The following KIFAP3 variants were observed in gnomAD, a reference collection of about 807,000 sequenced individuals.
The protein encoded by KIFAP3 is kinesin-associated protein 3.
Under a neutral mutation model 106.5 loss-of-function variants are expected in KIFAP3, and 68 were observed. The ratio of observed to expected loss-of-function variants is 0.64; its 90% CI spans 0.53 to 0.78. KIFAP3 has a LOEUF of 0.78. Ranked by LOEUF, KIFAP3 falls within the 30% of genes least tolerant of loss-of-function variation. The probability of loss-of-function intolerance (pLI) is 0.00; values close to 1 mark genes in which losing one functional copy is unlikely to be tolerated. For synonymous variants in KIFAP3, 320 were observed against 311.5 expected (o/e 1.03, Z -0.29); for missense variants, 780 against 941.8 (o/e 0.83, Z 2.25).
chr1:169,925,442 G>T (rs975988416), intron 19 of KIFAP3, among the ~76,000 whole-genome samples: 20 of 151,642 alleles, frequency 1.3e-4, no homozygotes, highest in African/African-American at 4.4e-4. Flanking sequence ...CTTTAAAAGA[G>T]AAAAATTATA....
intron 1 of KIFAP3, among the ~76,000 whole-genome samples, chr1:170,062,954 A>G (rs1233728574): frequency 6.6e-6 from 1 of 152,102 alleles, no homozygotes; most frequent in African/African-American, 2.4e-5. Flanking sequence ...TGCAAAAATT[A>G]TAACAGTGAG....
intron 16 of KIFAP3, among the ~76,000 whole-genome samples, chr1:169,977,110 G>A (rs932444747): frequency 1.3e-5 from 2 of 152,116 alleles, no homozygotes; most frequent in African/African-American, 4.8e-5. Flanking sequence ...TGAGGTCAAG[G>A]ACTTTCTTAT....
chr1:169,956,061 A>G (rs1664997964), intron 18 of KIFAP3, among the ~76,000 whole-genome samples: 1 of 152,274 alleles, frequency 6.6e-6, no homozygotes, highest in African/African-American at 2.4e-5. Context: ...TAACAAAACT[A>G]ACAAAAATCA....
chr1:169,965,958 T>G (rs953472593), intron 17 of KIFAP3, among the ~76,000 whole-genome samples: 1 of 151,894 alleles, frequency 6.6e-6, no homozygotes, highest in Admixed American at 6.6e-5. Flanking sequence ...CCTTACACAT[T>G]CCTTTAAAAT....
At chr1:169,986,247 A>G (rs1336865333) in intron 11 of KIFAP3, among the ~76,000 whole-genome samples, 2 of 151,942 alleles carry the variant, frequency 1.3e-5, no homozygotes, top group African/African-American at 4.8e-5. Context: ...AATATACAAA[A>G]ATCAATCACA....
chr1:169,954,779 T>C (rs1664920572), intron 18 of KIFAP3, among the ~76,000 whole-genome samples: 1 of 152,198 alleles, frequency 6.6e-6, no homozygotes, highest in East Asian at 1.9e-4. Flanking sequence ...GTACAGTCCC[T>C]AGCGTTGTGA....
intron 19 of KIFAP3, among the ~76,000 whole-genome samples, chr1:169,935,466 G>A (rs1354263799): frequency 1.3e-5 from 2 of 151,906 alleles, no homozygotes; most frequent in Non-Finnish European, 2.9e-5. Flanking sequence ...AAAGCAGGGT[G>A]TATCAACTTT....
At chr1:169,978,363 AT>A (rs1238064763) in intron 15 of KIFAP3, among the ~76,000 whole-genome samples, 180 bp from the exon 16 acceptor site, 2 of 151,998 alleles carry the variant, frequency 1.3e-5, no homozygotes, top group Non-Finnish European at 2.9e-5. Flanking sequence ...CACTTGTTTT[AT>A]TCATCATAAG....
chr1:169,949,456 T>A (rs916187101), intron 19 of KIFAP3, among the ~76,000 whole-genome samples: 1 of 152,082 alleles, frequency 6.6e-6, no homozygotes, highest in East Asian at 1.9e-4. Flanking sequence ...TTTTCCAGTT[T>A]ATGAAAATTG....
At chr1:170,023,287 TAA>T (rs768362356) in intron 9 of KIFAP3, among the ~76,000 whole-genome samples, 54 of 152,016 alleles carry the variant, frequency 3.6e-4, no homozygotes, top group Non-Finnish European at 6.3e-4. Flanking sequence ...ATCTGATAAA[TAA>T]GTCTCAGGTT....
At chr1:170,048,706 C>T (rs996213611) in intron 2 of KIFAP3, among the ~76,000 whole-genome samples, 1 of 151,390 alleles carries the variant, frequency 6.6e-6, no homozygotes, top group African/African-American at 2.4e-5. Context: ...AGCGGGGTGG[C>T]GGGGGCGTCG....
At chr1:170,029,051 A>G (rs1038923260) in intron 8 of KIFAP3, among the ~76,000 whole-genome samples, 2 of 152,146 alleles carry the variant, frequency 1.3e-5, no homozygotes, top group African/African-American at 4.8e-5. Context: ...GGATAGACAA[A>G]TATATCCCAT....
intron 10 of KIFAP3, among the ~76,000 whole-genome samples, chr1:169,997,851 CTGAG>C (rs1667440043): frequency 8.1e-6 from 1 of 123,612 alleles, no homozygotes; most frequent in Non-Finnish European, 1.6e-5. Flanking sequence ...GCCTGGGCAG[CTGAG>C]TGAGACGTCT....
intron 1 of KIFAP3, among the ~76,000 whole-genome samples, chr1:170,058,812 T>C (rs1325672648): frequency 6.6e-6 from 1 of 152,072 alleles, no homozygotes; most frequent in South Asian, 2.1e-4. Flanking sequence ...CCAAATCTAA[T>C]CTTTCCTTGC....
intron 19 of KIFAP3, among the ~76,000 whole-genome samples, chr1:169,940,483 A>C (rs1006122561): frequency 6.6e-6 from 1 of 152,120 alleles, no homozygotes; most frequent in Non-Finnish European, 1.5e-5. Context: ...ATGGGGGAGG[A>C]GAGACGATTT....
At chr1:170,051,140 A>G (rs939578496) in intron 2 of KIFAP3, among the ~76,000 whole-genome samples, 13 of 152,002 alleles carry the variant, frequency 8.6e-5, no homozygotes, top group African/African-American at 3.1e-4. Flanking sequence ...GGAATGGAGG[A>G]ATATTTACCA....
chr1:170,062,808 G>A (rs924842446), intron 1 of KIFAP3, among the ~76,000 whole-genome samples: 1 of 151,852 alleles, frequency 6.6e-6, no homozygotes, highest in Non-Finnish European at 1.5e-5. Context: ...CATGTGAAAA[G>A]CACTCTATCC....
intron 1 of KIFAP3, among the ~76,000 whole-genome samples, chr1:170,061,261 C>T (rs1372709576): frequency 2.0e-5 from 3 of 152,152 alleles, no homozygotes; most frequent in South Asian, 4.1e-4. Context: ...GCAATCTACC[C>T]ATCTGACAAA....
chr1:169,956,895 A>G (rs1313426549), intron 18 of KIFAP3, among the ~76,000 whole-genome samples: 1 of 152,044 alleles, frequency 6.6e-6, no homozygotes, highest in Non-Finnish European at 1.5e-5. Flanking sequence ...ACAGTGCCCA[A>G]CTTCATTTTT....
Sources: allele counts gnomAD v4.1 joint callset (sites outside exome capture counted in the v4.1 genomes callset), GRCh38; gene constraint gnomAD v4.1.1; transcripts MANE v1.5; gene names NCBI Gene and HGNC (gene_info 2026-07-23, HGNC 2026-07-21).